DCLK3: variants seen among roughly 807,000 people sequenced by gnomAD.
The protein encoded by DCLK3 is serine/threonine-protein kinase DCLK3.
DCLK3 carries 30 observed loss-of-function variants against 46.4 expected under a neutral mutation model. The observed-to-expected ratio is 0.65, with a 90% CI of 0.48 to 0.88. The LOEUF (loss-of-function observed/expected upper bound fraction) is 0.88. Among genes scored for constraint, DCLK3 ranks in the 40% least tolerant of loss-of-function variants. The pLI is 0.00. For missense variants in DCLK3, 846 were observed against 907.1 expected (o/e 0.93, Z 0.87); for synonymous variants, 401 against 339.2 (o/e 1.18, Z -2.00).
At chr3:36,739,588 G>A (rs931749833) in intron 1 of DCLK3, among the ~76,000 whole-genome samples, 1 of 152,166 alleles carries the variant, frequency 6.6e-6, no homozygotes, top group Non-Finnish European at 1.5e-5. Context: ...TGTAAGATGG[G>A]ACTTGCCCTT....
intron 3 of DCLK3, 126 bp from the exon 4 acceptor site, chr3:36,718,303 A>G: frequency 1.6e-6 from 2 of 1,285,578 alleles, no homozygotes; most frequent in African/African-American, 1.5e-5. Context: ...GCTCTCAGCA[A>G]CCAAGAGCCA....
At chr3:36,755,782 GATAA>G (rs2125538317) in intron 1 of DCLK3, among the ~76,000 whole-genome samples, 1 of 152,212 alleles carries the variant, frequency 6.6e-6, no homozygotes, top group Admixed American at 6.5e-5. Flanking sequence ...TGCCCCAACT[GATAA>G]ATATCAAAAA....
chr3:36,730,373 A>T (rs925260663), intron 2 of DCLK3, among the ~76,000 whole-genome samples: 2 of 152,172 alleles, frequency 1.3e-5, no homozygotes, highest in African/African-American at 4.8e-5. Flanking sequence ...ATTTCTACTT[A>T]ATTAAAATCT....
intron 1 of DCLK3, among the ~76,000 whole-genome samples, chr3:36,758,451 C>G (rs952299991): frequency 1.3e-5 from 2 of 152,156 alleles, no homozygotes; most frequent in African/African-American, 4.8e-5. Flanking sequence ...CACGAGGGCT[C>G]TACCTTAAAG....
At chr3:36,726,703 C>T (rs1026154978) in intron 2 of DCLK3, among the ~76,000 whole-genome samples, 34 of 152,164 alleles carry the variant, frequency 2.2e-4, no homozygotes, top group African/African-American at 7.7e-4. Flanking sequence ...CAGTCACCAC[C>T]AGACAATCTA....
chr3:36,722,451 C>G (rs1426054511), intron 2 of DCLK3, among the ~76,000 whole-genome samples: 4 of 152,186 alleles, frequency 2.6e-5, no homozygotes, highest in African/African-American at 9.7e-5. Flanking sequence ...AATGATTATG[C>G]ATTGCATGCC....
At chr3:36,742,655 C>A (rs1056017707) in intron 1 of DCLK3, among the ~76,000 whole-genome samples, 2 of 152,202 alleles carry the variant, frequency 1.3e-5, no homozygotes. Context: ...TGGGAAGCAC[C>A]AGGAAAATGC....
In DCLK3 at chr3:36,721,611, C is replaced by A; in HGVS notation, c.2008G>T (p.Gly670Ter). 6.2e-7 allele frequency: 1 copy of A among 1,614,152 alleles called. No individual in the cohort carries two copies. Among genetic ancestry groups the A allele is most frequent in the South Asian group, 1.1e-5 (1 of 91,082 alleles). ...GGTCTCACCACATGCTTTGCAAGTC[C>A]AAAATCAGCCAATTTCAAGGTAGTA... is the stretch of plus-strand genomic sequence containing the variant. ...KSTTLKLADF[G>*]LAKHVVRPIF... is the part of the protein sequence containing the mutation. The change falls in exon 3 of 5, where the codon GGA becomes TGA. Residue 670 changes from glycine to a stop codon, truncating the protein, a stop_gained. Coordinates refer to ENST00000636136, the MANE Select transcript of DCLK3 (RefSeq NM_001394672.2). LOFTEE classifies it high-confidence loss of function.
At chr3:36,733,366 C>G (rs1436986025) in intron 2 of DCLK3, among the ~76,000 whole-genome samples, 3 of 152,176 alleles carry the variant, frequency 2.0e-5, no homozygotes, top group East Asian at 3.8e-4. Flanking sequence ...TCCCCTTATT[C>G]TGGAAGAAAT....
At chr3:36,730,463 AACAG>A (rs1365358272) in intron 2 of DCLK3, among the ~76,000 whole-genome samples, 3 of 152,238 alleles carry the variant, frequency 2.0e-5, no homozygotes, top group South Asian at 2.1e-4. Context: ...TAGTGAAGGA[AACAG>A]ACAAAGTTCT....
At chr3:36,726,977 T>C (rs1701131602) in intron 2 of DCLK3, among the ~76,000 whole-genome samples, 2 of 152,180 alleles carry the variant, frequency 1.3e-5, no homozygotes, top group African/African-American at 4.8e-5. Flanking sequence ...TATTTATAAA[T>C]TAGTGGCATA....
chr3:36,717,845 T>C (rs1701003963), intron 4 of DCLK3, among the ~76,000 whole-genome samples, 165 bp downstream of exon 4: 1 of 152,226 alleles, frequency 6.6e-6, no homozygotes, highest in African/African-American at 2.4e-5. Context: ...AAGCCATGTT[T>C]TCAGAGTGCT....
intron 1 of DCLK3, among the ~76,000 whole-genome samples, chr3:36,757,491 A>G (rs1701496351): frequency 6.6e-6 from 1 of 152,166 alleles, no homozygotes; most frequent in African/African-American, 2.4e-5. Flanking sequence ...GAAAACAAAA[A>G]AAAAGTATGT....
At position 36,715,590 on chromosome 3, in the gene DCLK3, G is replaced by A; in HGVS notation, c.2261-69C>T. ...TTCTGAATTTTTCTTCCCCACACAT[G>A]AAATAAGAACATAAACATTCACGTC... is the stretch of plus-strand genomic sequence containing the variant. On this transcript the variant is annotated intron_variant, in intron 4 of 4. Transcript: ENST00000636136. The A allele has an allele frequency of 1.4e-5, 21 of 1,482,346 alleles. No individual in the cohort carries two copies. The South Asian group carries it at 2.9e-4, about 21-fold the overall frequency. 91.8% of individuals were successfully genotyped at this position (1,482,346 alleles called of 1,614,324 possible).
At chr3:36,747,785 C>A (rs1488902530) in intron 1 of DCLK3, among the ~76,000 whole-genome samples, 2 of 152,190 alleles carry the variant, frequency 1.3e-5, no homozygotes, top group African/African-American at 2.4e-5. Flanking sequence ...ATATTTTGAT[C>A]CCCTTTACGA....
chr3:36,742,842 G>A (rs1028836993), intron 1 of DCLK3, among the ~76,000 whole-genome samples: 1 of 152,150 alleles, frequency 6.6e-6, no homozygotes, highest in African/African-American at 2.4e-5. Flanking sequence ...ATATCCTTTA[G>A]GCCTGGGGCT....
chr3:36,751,409 T>G (rs73054243), intron 1 of DCLK3, among the ~76,000 whole-genome samples: 52,427 of 152,088 alleles, frequency 0.34, 9,894 homozygotes, highest in Non-Finnish European at 0.44. Flanking sequence ...TGTAATGAGA[T>G]GACAGGCATA....
chr3:36,725,507 C>T (rs1331087835), intron 2 of DCLK3, among the ~76,000 whole-genome samples: 3 of 152,062 alleles, frequency 2.0e-5, no homozygotes, highest in African/African-American at 7.2e-5. Flanking sequence ...GTCCCAGCTA[C>T]TTGGGAGGCT....
intron 1 of DCLK3, among the ~76,000 whole-genome samples, chr3:36,760,745 T>C (rs1022970500): frequency 1.3e-5 from 2 of 152,212 alleles, no homozygotes; most frequent in Admixed American, 6.5e-5. Flanking sequence ...CCCCAGATGA[T>C]TCATATGTCC....
Sources: allele counts gnomAD v4.1 joint callset (sites outside exome capture counted in the v4.1 genomes callset), GRCh38; gene constraint gnomAD v4.1.1; transcripts MANE v1.5; gene names NCBI Gene and HGNC (gene_info 2026-07-23, HGNC 2026-07-21).